Variants in ESCO2 observed in about 807,000 individuals in gnomAD.
The protein encoded by ESCO2 is N-acetyltransferase ESCO2.
Under a neutral mutation model 61.7 loss-of-function variants are expected in ESCO2, and 51 were observed. The ratio of observed to expected loss-of-function variants is 0.83; its 90% CI spans 0.66 to 1.04. The LOEUF (loss-of-function observed/expected upper bound fraction) is 1.04. Ranked by LOEUF, ESCO2 falls within the 50% of genes least tolerant of loss-of-function variation. ESCO2 has a pLI of 0.00. For synonymous variants in ESCO2, 230 were observed against 238.2 expected, an observed-to-expected ratio of 0.97 and a Z score of 0.32; for missense variants, 692 against 686.2, an observed-to-expected ratio of 1.01 and a Z score of -0.09.
At chr8:27,805,798 T>C (rs1805552376), downstream of ESCO2, among the ~76,000 whole-genome samples, 1 of 152,110 alleles carries the variant, frequency 6.6e-6, no homozygotes. Context: ...CTTTTTTTAG[T>C]AGAGACAGAG....
chr8:27,782,456 G>T (rs1186376743), intron 4 of ESCO2, among the ~76,000 whole-genome samples: 1 of 152,146 alleles, frequency 6.6e-6, no homozygotes, highest in Non-Finnish European at 1.5e-5. Flanking sequence ...TAGAGACGGG[G>T]TTTCGCCACG....
upstream of ESCO2, among the ~76,000 whole-genome samples, chr8:27,773,297 C>G (rs147834964): frequency 3.3e-5 from 5 of 152,170 alleles, no homozygotes; most frequent in African/African-American, 1.2e-4. Flanking sequence ...ATGACCCACA[C>G]CCTATAGTTT....
Position 27,804,859 on chromosome 8 carries a change from T to A in ESCO2, c.*1421T>A. 1 of 718,198 alleles carries A rather than the reference T, an allele frequency of 1.4e-6. No individual in the cohort carries two copies. The highest frequency in any genetic ancestry group is 1.7e-6 in the Non-Finnish European group (1 of 585,820). 44.5% of individuals were successfully genotyped at this position (718,198 alleles called of 1,614,324 possible). A position where few individuals can be genotyped will look rare whatever the true frequency, so the allele number is the denominator to read the frequency against. On this transcript the variant is annotated 3_prime_UTR_variant, in exon 11 of 11. Coordinates refer to ENST00000305188, the MANE Select transcript of ESCO2 (RefSeq NM_001017420.3). ...ATTTTTAATTAACATTTTGTTTGCT[T>A]AATGCTTTTGTTATGAATCAATTAA...
At chr8:27,802,785 T>C (rs1805479193) in intron 10 of ESCO2, among the ~76,000 whole-genome samples, 1 of 107,828 alleles carries the variant, frequency 9.3e-6, no homozygotes, top group Non-Finnish European at 1.8e-5. Flanking sequence ...CTCACTCTGT[T>C]ACCCAGGCTG....
At chr8:27,786,784 CT>C (rs11305882) in intron 5 of ESCO2, among the ~76,000 whole-genome samples, 22,381 of 105,540 alleles carry the variant, frequency 0.21, 2,134 homozygotes, top group Middle Eastern at 0.34. Flanking sequence ...AATGCTCCAC[CT>C]TTTTTTTTTT....
At chr8:27,797,560 A>C (rs945168941) in intron 9 of ESCO2, among the ~76,000 whole-genome samples, 4 of 152,190 alleles carry the variant, frequency 2.6e-5, no homozygotes, top group African/African-American at 9.6e-5. Context: ...CACTTAAAGT[A>C]ATTATTGATA....
chr8:27,776,252 G>A (rs531157310), intron 2 of ESCO2, 110 bp from the exon 3 acceptor site: 3 of 807,762 alleles, frequency 3.7e-6, no homozygotes, highest in African/African-American at 3.5e-5. Flanking sequence ...TGTATGGGGG[G>A]TACATGTATT....
chr8:27,809,209 T>TA (rs1490437006), downstream of ESCO2, among the ~76,000 whole-genome samples: 1 of 152,172 alleles, frequency 6.6e-6, no homozygotes, highest in South Asian at 2.1e-4. Context: ...AAATTATACA[T>TA]ACGTTTTTCT....
the ESCO2 span, among the ~76,000 whole-genome samples, chr8:27,819,244 T>G: frequency 6.6e-6 from 1 of 152,164 alleles, no homozygotes; most frequent in East Asian, 1.9e-4. Flanking sequence ...ATTAAGATTA[T>G]GTAGAATTTA....
chr8:27,789,605 A>C (rs28670981), intron 7 of ESCO2, among the ~76,000 whole-genome samples: 24,605 of 151,594 alleles, frequency 0.16, 2,578 homozygotes, highest in East Asian at 0.37. Flanking sequence ...CATGGCGAAA[A>C]CCTGTCTCTA....
At chr8:27,789,072 A>C (rs1022089286) in intron 7 of ESCO2, 94 bp downstream of exon 7, 1 of 1,491,912 alleles carries the variant, frequency 6.7e-7, no homozygotes, top group Non-Finnish European at 9.2e-7. Context: ...CGGAAAAGTT[A>C]ACTTTTAATG....
intron 10 of ESCO2, among the ~76,000 whole-genome samples, chr8:27,802,635 A>G (rs1460345638): frequency 2.9e-4 from 17 of 58,812 alleles, no homozygotes; most frequent in Non-Finnish European, 4.0e-4. Flanking sequence ...AAAAAAATAT[A>G]TATATATATA....
Position 27,804,352 on chromosome 8 carries a change from T to TA in ESCO2, c.*915dup. 2 of 985,444 alleles carry TA rather than the reference T, an allele frequency of 2.0e-6. No individual in the cohort carries two copies. The highest frequency in any genetic ancestry group is 2.4e-6 in the Non-Finnish European group (2 of 829,914). The allele number at this position is 985,444 out of a possible 1,614,324, so 61.0% of individuals were successfully genotyped here. On this transcript the variant is annotated 3_prime_UTR_variant, in exon 11 of 11. Transcript: ENST00000305188. The stretch of plus-strand genomic sequence containing the variant: ...CAATTGATGTCATTAACAAAATGCC[T>TA]AGTTGGATTAGATGTTTTCATTTTC...
downstream of ESCO2, among the ~76,000 whole-genome samples, chr8:27,809,032 A>G (rs1411082537): frequency 6.6e-6 from 1 of 152,160 alleles, no homozygotes; most frequent in Non-Finnish European, 1.5e-5. Flanking sequence ...CTTATGTATT[A>G]AAGAGCCAAT....
intron 9 of ESCO2, among the ~76,000 whole-genome samples, chr8:27,794,881 T>G (rs1805260389): frequency 6.6e-6 from 1 of 152,206 alleles, no homozygotes; most frequent in Non-Finnish European, 1.5e-5. Flanking sequence ...AGACACCAGT[T>G]GACTCTAAAT....
chr8:27,780,125 ATAGT>A (rs1804890604), intron 3 of ESCO2, 45 bp from the exon 4 acceptor site: 1 of 1,143,452 alleles, frequency 8.7e-7, no homozygotes, highest in South Asian at 1.3e-5. Flanking sequence ...TCACTAGAAA[ATAGT>A]TAAAAATTAC....
intron 5 of ESCO2, among the ~76,000 whole-genome samples, chr8:27,784,436 A>G (rs899195161): frequency 6.6e-6 from 1 of 152,180 alleles, no homozygotes; most frequent in Non-Finnish European, 1.5e-5. Context: ...TGCCACAGCT[A>G]TTAGGTGCTA....
Position 27,804,889 on chromosome 8 carries a change from C to T in ESCO2, c.*1451C>T. Reference sequence around the variant, plus strand: ...CTTTTGTTATGAATCAATTAAAATTCTTTATTTTATACAACTAAATCTGAT... The same window carrying T: ...CTTTTGTTATGAATCAATTAAAATTTTTTATTTTATACAACTAAATCTGAT... On this transcript the variant is annotated 3_prime_UTR_variant, in exon 11 of 11. Transcript: ENST00000305188. The T allele has an allele frequency of 2.1e-6, 1 of 477,710 alleles. No homozygotes were observed. The highest frequency in any genetic ancestry group is 2.7e-6 in the Non-Finnish European group (1 of 366,664). 29.6% of individuals were successfully genotyped at this position (477,710 alleles called of 1,614,324 possible). A position where few individuals can be genotyped will look rare whatever the true frequency, so the allele number is the denominator to read the frequency against.
intron 9 of ESCO2, among the ~76,000 whole-genome samples, chr8:27,797,220 T>A (rs1427222642): frequency 1.3e-5 from 2 of 152,230 alleles, no homozygotes; most frequent in Non-Finnish European, 2.9e-5. Context: ...TCCTATCTAT[T>A]TCTCCTTTCA....
Sources: allele counts gnomAD v4.1 joint callset (sites outside exome capture counted in the v4.1 genomes callset), GRCh38; gene constraint gnomAD v4.1.1; transcripts MANE v1.5; gene names NCBI Gene and HGNC (gene_info 2026-07-23, HGNC 2026-07-21).